Variants in MINK1 observed in about 807,000 individuals in gnomAD.
MINK1 encodes the protein misshapen-like kinase 1.
MINK1 carries 46 observed loss-of-function variants against 178.4 expected under a neutral mutation model. The ratio of observed to expected loss-of-function variants is 0.26; its 90% CI spans 0.20 to 0.33. The LOEUF (loss-of-function observed/expected upper bound fraction) is 0.33. Ranked by LOEUF, MINK1 falls within the 10% of genes least tolerant of loss-of-function variation. The probability of loss-of-function intolerance (pLI) is 1.00; values close to 1 mark genes in which losing one functional copy is unlikely to be tolerated. For synonymous variants in MINK1, 797 were observed against 709.7 expected, an observed-to-expected ratio of 1.12 and a Z score of -1.96; for missense variants, 1,366 against 1,814.9, an observed-to-expected ratio of 0.75 and a Z score of 4.49.
chr17:4,875,216 C>T (rs1342661136), intron 1 of MINK1: 1 of 518,616 alleles, frequency 1.9e-6, no homozygotes, highest in Non-Finnish European at 3.9e-6. Flanking sequence ...TTTTCAGGTT[C>T]CTTCCAGCTC....
At chr17:4,854,690 T>C (rs1017148659) in intron 1 of MINK1, 5 of 459,952 alleles carry the variant, frequency 1.1e-5, no homozygotes, top group Non-Finnish European at 1.7e-5. Flanking sequence ...CTTCTACTTC[T>C]AGAACTGGCC....
At chr17:4,874,792 A>G (rs1967029464) in intron 1 of MINK1, among the ~76,000 whole-genome samples, 1 of 152,152 alleles carries the variant, frequency 6.6e-6, no homozygotes, top group Non-Finnish European at 1.5e-5. Flanking sequence ...AGTTTTCAGG[A>G]AACCGACTTG....
rs1968690763 is a variant in MINK1, at chr17:4,890,579, G to C, written c.1410G>C (p.Gln470His). Reference sequence around the variant, plus strand: ...CAGAACGTCTCCAGAGGCAGCTGCAGCAGGAGCATGCCTACCTCAAGTCCC... The same window carrying C: ...CAGAACGTCTCCAGAGGCAGCTGCACCAGGAGCATGCCTACCTCAAGTCCC... Reference protein sequence around the residue: ...RQSERLQRQLQQEHAYLKSLQ... With the variant: ...RQSERLQRQLHQEHAYLKSLQ... Residue 470 changes from glutamine (Q) to histidine (H), a missense_variant, in exon 14 of 32, where the codon CAG becomes CAC. Transcript: ENST00000355280. 6.4e-7 allele frequency: 1 copy of C among 1,574,214 alleles called. No homozygotes were observed. The highest frequency in any genetic ancestry group is 1.4e-5 in the African/African-American group (1 of 73,798).
At position 4,893,981 on chromosome 17, in the gene MINK1, C is replaced by T. The variant is rs1442564560; in HGVS notation, c.2565-7C>T. ...ACCTGGAGGGGCCCCACCTTCCTCTCTCACAGCAGCGATGGGGATACAGAC... is the reference window on the plus strand; with the variant it reads ...ACCTGGAGGGGCCCCACCTTCCTCTTTCACAGCAGCGATGGGGATACAGAC... On this transcript the variant is annotated splice_polypyrimidine_tract_variant and splice_region_variant and intron_variant, in intron 21 of 31. Coordinates refer to ENST00000355280, the MANE Select transcript of MINK1 (RefSeq NM_153827.5). The T allele has an allele frequency of 1.9e-6, 3 of 1,564,074 alleles. No homozygotes were observed. The Admixed American group carries it at 5.9e-5, about 31-fold the overall frequency.
intron 1 of MINK1, among the ~76,000 whole-genome samples, chr17:4,848,787 G>T (rs190897234): frequency 1.4e-3 from 216 of 152,272 alleles, no homozygotes; most frequent in Admixed American, 4.8e-3. Flanking sequence ...CTAAGCCACC[G>T]CGAACCTGGC....
Position 4,894,585 on chromosome 17 carries a change from C to G in MINK1, c.2869C>G (p.Leu957Val). 6.2e-7 allele frequency: 1 copy of G among 1,609,476 alleles called. No homozygotes were observed. The highest frequency in any genetic ancestry group is 1.1e-5 in the South Asian group (1 of 89,996). Reference sequence around the variant, plus strand: ...GAGCTCGTTCACGATGTTTGTGGATCTAGGGATCTACCAGCCTGGAGGCAG... The same window carrying G: ...GAGCTCGTTCACGATGTTTGTGGATGTAGGGATCTACCAGCCTGGAGGCAG... Reference protein sequence around the residue: ...GKSSFTMFVDLGIYQPGGSGD... With the variant: ...GKSSFTMFVDVGIYQPGGSGD... The change falls in exon 24 of 32, where the codon CTA becomes GTA. Residue 957 changes from leucine to valine, a missense_variant. Leu to Val is a conservative substitution (Grantham distance 32, BLOSUM62 1). Around this residue, in one of 14 missense-constraint regions of MINK1, gnomAD observed 709 missense variants for 692.3 expected, o/e 1.02. Coordinates refer to ENST00000355280, the MANE Select transcript of MINK1 (RefSeq NM_153827.5). The surrounding 1 kb of genome is among the most constrained non-coding windows in gnomAD (Gnocchi z 4.1).
At chr17:4,882,842 C>T (rs1484713978) in intron 4 of MINK1, 1 of 152,122 alleles carries the variant, frequency 6.6e-6, no homozygotes, top group Non-Finnish European at 1.5e-5. Context: ...AAACCCAGGC[C>T]AGACGCAATG....
intron 12 of MINK1, among the ~76,000 whole-genome samples, chr17:4,888,657 T>G (rs993010751): frequency 6.7e-6 from 1 of 149,852 alleles, no homozygotes; most frequent in Non-Finnish European, 1.5e-5. Flanking sequence ...AAAATAAATA[T>G]AGCGTTCAGA....
At chr17:4,858,665 T>C (rs111985639) in intron 1 of MINK1, among the ~76,000 whole-genome samples, 20,046 of 151,814 alleles carry the variant, frequency 0.13, 1,624 homozygotes, top group African/African-American at 0.23. Flanking sequence ...GTAATAGAGA[T>C]GGGGTTTCAC....
chr17:4,853,500 G>C (rs75025142), intron 1 of MINK1, among the ~76,000 whole-genome samples: 16,390 of 150,542 alleles, frequency 0.11, 1,627 homozygotes, highest in East Asian at 0.51. Context: ...GGTTGTTGCT[G>C]TGTGCCATCG....
chr17:4,862,505 A>G (rs1442491569), intron 1 of MINK1, among the ~76,000 whole-genome samples: 8 of 152,196 alleles, frequency 5.3e-5, no homozygotes, highest in African/African-American at 1.9e-4. Flanking sequence ...AAATACAAAA[A>G]CTAGCCTGGC....
chr17:4,851,944 G>A (rs1259324413), intron 1 of MINK1, among the ~76,000 whole-genome samples: 1 of 145,268 alleles, frequency 6.9e-6, no homozygotes, highest in Non-Finnish European at 1.5e-5. Flanking sequence ...AGGATGCGGT[G>A]AGCTGAGATC....
intron 1 of MINK1, among the ~76,000 whole-genome samples, chr17:4,849,792 C>T (rs1017044986): frequency 6.6e-6 from 1 of 152,042 alleles, no homozygotes; most frequent in African/African-American, 2.4e-5. Context: ...AGGCTAGTCT[C>T]GAACTCCCGG....
intron 2 of MINK1, among the ~76,000 whole-genome samples, chr17:4,878,936 C>T (rs945424428): frequency 1.3e-5 from 2 of 152,244 alleles, no homozygotes; most frequent in African/African-American, 4.8e-5. Flanking sequence ...CAGCCCAGCC[C>T]TCTCGTGTGG....
chr17:4,889,020 G>T (rs896862002), intron 12 of MINK1, among the ~76,000 whole-genome samples: 1 of 152,100 alleles, frequency 6.6e-6, no homozygotes. Flanking sequence ...ATCTAACAAG[G>T]TGTTACCTGG....
chr17:4,875,418 T>C (rs559617667), intron 1 of MINK1: 19 of 448,898 alleles, frequency 4.2e-5, no homozygotes, highest in South Asian at 3.0e-4. Context: ...AAGGCTACAG[T>C]GAGCTGTGAT....
intron 1 of MINK1, among the ~76,000 whole-genome samples, chr17:4,854,180 C>A (rs1482156372): frequency 6.6e-6 from 1 of 152,184 alleles, no homozygotes; most frequent in Admixed American, 6.5e-5. Context: ...CATTTTAGAA[C>A]CAGCGCAAGG....
chr17:4,871,409 C>G (rs1181604060), intron 1 of MINK1, among the ~76,000 whole-genome samples: 1 of 151,894 alleles, frequency 6.6e-6, no homozygotes, highest in Non-Finnish European at 1.5e-5. Context: ...CAAGGTTGGT[C>G]TCAAACCTGC....
chr17:4,854,575 G>A (rs1451726982), intron 1 of MINK1, among the ~76,000 whole-genome samples: 1 of 152,206 alleles, frequency 6.6e-6, no homozygotes, highest in Non-Finnish European at 1.5e-5. Flanking sequence ...GTGTGTGTGT[G>A]CATGCGTGTG....
Sources: gnomAD v4.1 joint callset for allele counts (sites outside exome capture counted in the v4.1 genomes callset) on GRCh38, gnomAD v4.1.1 for gene constraint, gnomAD v4.1.1 regional missense constraint, Gnocchi (gnomAD v3.1) non-coding constraint, MANE v1.5 for transcripts, NCBI Gene and HGNC (gene_info 2026-07-23, HGNC 2026-07-21) for gene names.